Variants in RPS6KB1 observed in about 807,000 individuals in gnomAD.
The protein encoded by RPS6KB1 is ribosomal protein S6 kinase B1, also known as ribosomal protein S6 kinase beta-1.
RPS6KB1 carries 12 observed loss-of-function variants against 70.2 expected under a neutral mutation model. The observed-to-expected ratio is 0.17, with a 90% CI of 0.11 to 0.28. RPS6KB1 has a LOEUF of 0.28. Ranked by LOEUF, RPS6KB1 falls within the 10% of genes least tolerant of loss-of-function variation. The probability of loss-of-function intolerance (pLI) is 1.00; values close to 1 mark genes in which losing one functional copy is unlikely to be tolerated. For missense variants in RPS6KB1, 270 were observed against 646.6 expected, an observed-to-expected ratio of 0.42 and a Z score of 6.32; for synonymous variants, 175 against 211.2, an observed-to-expected ratio of 0.83 and a Z score of 1.49.
At chr17:59,921,592 T>C (rs2043267545) in intron 4 of RPS6KB1, among the ~76,000 whole-genome samples, 1 of 152,172 alleles carries the variant, frequency 6.6e-6, no homozygotes, top group Admixed American at 6.6e-5. Context: ...CTTAAGTGAG[T>C]TGTTTCAATC....
In RPS6KB1 at chr17:59,946,825, G is replaced by C. The variant is rs369442815; in HGVS notation, c.*37G>C. 6.6e-5 allele frequency: 106 copies of C among 1,609,494 alleles called. 1 individual carries two copies. In the South Asian group the frequency reaches 1.1e-3, roughly 16 times the overall value. On this transcript the variant is annotated 3_prime_UTR_variant, in exon 15 of 15. Coordinates refer to ENST00000225577, the MANE Select transcript of RPS6KB1 (RefSeq NM_003161.4). The surrounding 1 kb of genome is among the most constrained non-coding windows in gnomAD (Gnocchi z 4.2). The stretch of plus-strand genomic sequence containing the variant: ...TTTTAATGAATTTAAGGCAAAAAAG[G>C]TGGAGAGGGAGATGTGTGAGCATCC...
At chr17:59,915,773 A>ATATTTTT in intron 4 of RPS6KB1, among the ~76,000 whole-genome samples, 1 of 86,232 alleles carries the variant, frequency 1.2e-5, no homozygotes, top group African/African-American at 6.7e-5. Context: ...GCCTACTGCT[A>ATATTTTT]TCTTTTTTTT....
chr17:59,896,916 TAAA>T (rs770295990), intron 1 of RPS6KB1, among the ~76,000 whole-genome samples: 1 of 135,820 alleles, frequency 7.4e-6, no homozygotes, highest in Admixed American at 7.4e-5. Context: ...TACCCTGAAA[TAAA>T]AAAAAAAAAA....
intron 7 of RPS6KB1, among the ~76,000 whole-genome samples, chr17:59,932,658 C>A (rs2043994943): frequency 6.6e-6 from 1 of 150,492 alleles, no homozygotes; most frequent in African/African-American, 2.5e-5. Flanking sequence ...CTCAAGTGAT[C>A]CTTCCACCCC....
chr17:59,926,277 G>C, intron 4 of RPS6KB1, 158 bp from the exon 5 acceptor site: 1 of 609,678 alleles, frequency 1.6e-6, no homozygotes, highest in South Asian at 2.4e-5. Flanking sequence ...CATATATAAA[G>C]TGAATGTTTT....
At chr17:59,927,335 C>T (rs1351715722) in intron 5 of RPS6KB1, among the ~76,000 whole-genome samples, 2 of 151,698 alleles carry the variant, frequency 1.3e-5, no homozygotes, top group Admixed American at 1.3e-4. Context: ...CCACCTAACT[C>T]GGCCTCCCAA....
intron 4 of RPS6KB1, among the ~76,000 whole-genome samples, chr17:59,924,604 C>G (rs1376631356): frequency 2.6e-5 from 4 of 151,822 alleles, no homozygotes; most frequent in Non-Finnish European, 5.9e-5. Flanking sequence ...AAGGTATTCT[C>G]AAAAGTCTTA....
chr17:59,895,735 C>T (rs8068913), intron 1 of RPS6KB1, among the ~76,000 whole-genome samples: 41,366 of 151,968 alleles, frequency 0.27, 5,769 homozygotes, highest in Middle Eastern at 0.41. Flanking sequence ...TGAGCTCAAG[C>T]GATTCTCGTG....
rs1353369885 is a variant in RPS6KB1, at chr17:59,912,688, A to G, written c.196A>G (p.Met66Val). The G allele has an allele frequency of 1.9e-6, 3 of 1,613,130 alleles. No homozygotes were observed. Among genetic ancestry groups the G allele is most frequent in the Admixed American group, 1.7e-5 (1 of 59,940 alleles). Residue 66 changes from methionine (M) to valine (V), a missense_variant, in exon 3 of 15, where the codon ATG becomes GTG. Met to Val is a conservative substitution (Grantham distance 21). This residue lies in a region of RPS6KB1 where 72 missense variants were observed against 93.4 expected (regional missense o/e 0.77). Coordinates refer to ENST00000225577, the MANE Select transcript of RPS6KB1 (RefSeq NM_003161.4). Reference sequence around the variant, plus strand: ...TGGTTTTGCTTTTCTTCCCAGTGGCATGGAACATTGTGAGAAATTTGAAAT... The same window carrying G: ...TGGTTTTGCTTTTCTTCCCAGTGGCGTGGAACATTGTGAGAAATTTGAAAT... ...HGGVGPYELG[M>V]EHCEKFEISE...
chr17:59,928,920 T>C (rs923535550), intron 5 of RPS6KB1, among the ~76,000 whole-genome samples: 6 of 152,186 alleles, frequency 3.9e-5, no homozygotes, highest in African/African-American at 1.4e-4. Context: ...GAAGTGACAT[T>C]GTGTCCTCCT....
At chr17:59,909,380 G>A (rs2042487352) in intron 1 of RPS6KB1, among the ~76,000 whole-genome samples, 1 of 150,360 alleles carries the variant, frequency 6.7e-6, no homozygotes, top group Admixed American at 6.6e-5. Flanking sequence ...CAATTCTCCT[G>A]CCTCAGCCTC....
At position 59,935,117 on chromosome 17, in the gene RPS6KB1, T is replaced by C. The variant is rs574655925; in HGVS notation, c.871-76T>C. On this transcript the variant is annotated intron_variant, in intron 9 of 14. Coordinates refer to ENST00000225577, the MANE Select transcript of RPS6KB1 (RefSeq NM_003161.4). Reference sequence around the variant, plus strand: ...TAACTAATTTAGGAAATGGATAATATTATTCAAAATTTGTTTCTTATATGC... The same window carrying C: ...TAACTAATTTAGGAAATGGATAATACTATTCAAAATTTGTTTCTTATATGC... The C allele has an allele frequency of 3.7e-6, 3 of 801,600 alleles. No homozygotes were observed. In the South Asian group the frequency reaches 5.0e-5, roughly 13 times the overall value. The allele number at this position is 801,600 out of a possible 1,614,324, so 49.7% of individuals were successfully genotyped here. A position where few individuals can be genotyped will look rare whatever the true frequency, so the allele number is the denominator to read the frequency against.
intron 13 of RPS6KB1, among the ~76,000 whole-genome samples, chr17:59,943,253 A>C (rs2145060835): frequency 6.6e-6 from 1 of 152,326 alleles, no homozygotes; most frequent in African/African-American, 2.4e-5. Flanking sequence ...GGAAGTGGGC[A>C]TGAATCACTT....
rs2045132382 is a variant in RPS6KB1 at position 59,950,094 on chromosome 17, C to T, written c.*3306C>T. On this transcript the variant is annotated 3_prime_UTR_variant, in exon 15 of 15. Coordinates refer to ENST00000225577, the MANE Select transcript of RPS6KB1 (RefSeq NM_003161.4). ...CAAACTATCACAAAAGTATTTGTCA[C>T]ACATAACCTGTGGTCTGTTGCTGAT... 6.6e-6 allele frequency: 1 copy of T among 152,542 alleles called. No individual in the cohort carries two copies. The highest frequency in any genetic ancestry group is 2.4e-5 in the African/African-American group (1 of 41,438). The allele number at this position is 152,542 out of a possible 1,614,324, so 9.4% of individuals were successfully genotyped here. A position where few individuals can be genotyped will look rare whatever the true frequency, so the allele number is the denominator to read the frequency against.
At chr17:59,904,325 C>G (rs950374521) in intron 1 of RPS6KB1, among the ~76,000 whole-genome samples, 10 of 151,890 alleles carry the variant, frequency 6.6e-5, no homozygotes, top group African/African-American at 2.4e-4. Flanking sequence ...ATGATCCGCC[C>G]TCCTTGGCCT....
At chr17:59,910,650 C>T in intron 2 of RPS6KB1, 39 bp downstream of exon 2, 1 of 1,345,616 alleles carries the variant, frequency 7.4e-7, no homozygotes. Context: ...TGTTGTCTTT[C>T]TTACAAGTAG....
intron 1 of RPS6KB1, among the ~76,000 whole-genome samples, chr17:59,909,074 G>A (rs980408884): frequency 6.6e-6 from 1 of 150,594 alleles, no homozygotes; most frequent in African/African-American, 2.4e-5. Context: ...TTGCAGGCAT[G>A]GGCCACCACG....
At chr17:59,921,533 C>T (rs2043263864) in intron 4 of RPS6KB1, among the ~76,000 whole-genome samples, 1 of 152,070 alleles carries the variant, frequency 6.6e-6, no homozygotes, top group Admixed American at 6.6e-5. Flanking sequence ...TAAGTGTATA[C>T]CTCTTCCCCC....
intron 12 of RPS6KB1, among the ~76,000 whole-genome samples, chr17:59,938,699 T>TG (rs2044395492): frequency 2.0e-4 from 28 of 138,086 alleles, no homozygotes; most frequent in Admixed American, 8.2e-4. Flanking sequence ...AATGTGTAGT[T>TG]TGTGTGTGTG....
Sources: allele counts gnomAD v4.1 joint callset (sites outside exome capture counted in the v4.1 genomes callset), GRCh38; gene constraint gnomAD v4.1.1; regional missense constraint gnomAD v4.1.1; non-coding constraint Gnocchi (gnomAD v3.1); transcripts MANE v1.5; gene names NCBI Gene and HGNC (gene_info 2026-07-23, HGNC 2026-07-21).